ZSCAN18: variants seen among roughly 807,000 people sequenced by gnomAD.
The protein encoded by ZSCAN18 is zinc finger and SCAN domain containing 18, also known as zinc finger and SCAN domain-containing protein 18.
A neutral mutation model predicts 31.1 loss-of-function variants in ZSCAN18; 16 were observed. The observed-to-expected ratio is 0.51, with a 90% CI of 0.35 to 0.78. ZSCAN18 has a LOEUF of 0.78. ZSCAN18 is among the 30% of genes least tolerant of loss of function. ZSCAN18 has a pLI of 0.01. For synonymous variants in ZSCAN18, 375 were observed against 320.7 expected (o/e 1.17, Z -1.81); for missense variants, 731 against 697.4 (o/e 1.05, Z -0.54).
rs756081931 is a variant in ZSCAN18, at chr19:58,085,354, A to G, written c.864T>C (p.Ala288=). The G allele has an allele frequency of 6.3e-7, 1 of 1,591,924 alleles. No individual in the cohort carries two copies. Among genetic ancestry groups the G allele is most frequent in the Admixed American group, 1.7e-5 (1 of 59,564 alleles). ...LPEGGRRQES[A]GCACEEAAPA... Reference sequence around the variant, plus strand: ...GGGCGGCCTCCTCGCAGGCGCACCCAGCGCTCTCCTGCCGCCTCCCGCCTT... The same window carrying G: ...GGGCGGCCTCCTCGCAGGCGCACCCGGCGCTCTCCTGCCGCCTCCCGCCTT... The change falls in exon 7 of 7, where the codon GCT becomes GCC. Residue 288 remains alanine, a synonymous_variant. Transcript: ENST00000601144.
chr19:58,116,841 G>A (rs750639994), intron 1 of ZSCAN18, among the ~76,000 whole-genome samples: 38 of 152,154 alleles, frequency 2.5e-4, no homozygotes, highest in Non-Finnish European at 4.6e-4. Flanking sequence ...GGAGATGCCC[G>A]TACCAGAGAG....
rs867073358 is a variant in ZSCAN18 at position 58,084,855 on chromosome 19, C to T, written c.1363G>A (p.Ala455Thr). 6 of 1,600,220 alleles carry T rather than the reference C, an allele frequency of 3.7e-6. No individual in the cohort carries two copies. The highest frequency in any genetic ancestry group is 4.3e-6 in the Non-Finnish European group (5 of 1,175,188). ...TGGGTCTTCTGGTGCTCGGCTAGGG[C>T]CAGGCTGAAGTGGAAGGTCTTCCAG... is the stretch of plus-strand genomic sequence containing the variant. ...GCWKTFHFSL[A>T]LAEHQKTHEK... is the part of the protein sequence containing the mutation. The change falls in exon 7 of 7, where the codon GCC becomes ACC. Residue 455 changes from alanine to threonine, a missense_variant. Coordinates refer to ENST00000601144, the MANE Select transcript of ZSCAN18 (RefSeq NM_001145543.2). This position sits in a 1 kb window ranked among gnomAD's most constrained non-coding sequence, Gnocchi z 4.5.
At chr19:58,117,210 ATTG>A (rs2074737343) in intron 1 of ZSCAN18, among the ~76,000 whole-genome samples, 1 of 152,154 alleles carries the variant, frequency 6.6e-6, no homozygotes, top group South Asian at 2.1e-4. Flanking sequence ...GACAAAGAGG[ATTG>A]TGGGTGGAGG....
upstream of ZSCAN18, among the ~76,000 whole-genome samples, chr19:58,102,898 G>A (rs1439393115): frequency 1.3e-5 from 2 of 152,138 alleles, no homozygotes; most frequent in African/African-American, 2.4e-5. Flanking sequence ...TTGGGAGGCC[G>A]AGGTGGGTGG....
At chr19:58,100,177 AC>A (rs914760404), upstream of ZSCAN18, among the ~76,000 whole-genome samples, 1 of 151,138 alleles carries the variant, frequency 6.6e-6, no homozygotes, top group African/African-American at 2.4e-5. Flanking sequence ...CTGGTCTCAG[AC>A]CCCCGGGCTC....
chr19:58,109,648 T>C (rs1969834706), intron 1 of ZSCAN18, among the ~76,000 whole-genome samples: 2 of 152,166 alleles, frequency 1.3e-5, no homozygotes, highest in South Asian at 2.1e-4. Flanking sequence ...TCAGGCATAT[T>C]ATTTGAAAGA....
chr19:58,115,656 T>C (rs1207212486), intron 1 of ZSCAN18, among the ~76,000 whole-genome samples: 1 of 152,218 alleles, frequency 6.6e-6, no homozygotes, highest in African/African-American at 2.4e-5. Flanking sequence ...TCAGAAGAAC[T>C]AGGTTGAAAT....
chr19:58,085,642 C>T (rs2074263527), intron 6 of ZSCAN18: 3 of 504,116 alleles, frequency 6.0e-6, no homozygotes, highest in Non-Finnish European at 1.0e-5. Context: ...CCACTGAGCC[C>T]GGGTTCTGGA....
At chr19:58,114,804 C>T (rs8107648) in intron 1 of ZSCAN18, among the ~76,000 whole-genome samples, 1,737 of 152,172 alleles carry the variant, frequency 0.011, 42 homozygotes, top group African/African-American at 0.039. Context: ...TAGAGTATTT[C>T]AGAAACTTGT....
At chr19:58,109,571 A>G (rs993154377) in intron 1 of ZSCAN18, among the ~76,000 whole-genome samples, 2 of 152,252 alleles carry the variant, frequency 1.3e-5, no homozygotes, top group Non-Finnish European at 2.9e-5. Flanking sequence ...GTTTACTTAC[A>G]TGATGAAATA....
intron 1 of ZSCAN18, among the ~76,000 whole-genome samples, chr19:58,109,633 A>G (rs1420272432): frequency 2.0e-5 from 3 of 152,230 alleles, no homozygotes; most frequent in African/African-American, 2.4e-5. Flanking sequence ...ATATGGGTAC[A>G]TTTCTCAGGC....
At chr19:58,109,415 G>C in intron 1 of ZSCAN18, 3 of 1,152,566 alleles carry the variant, frequency 2.6e-6, no homozygotes, top group Non-Finnish European at 3.3e-6. Context: ...TATATCTGAT[G>C]CTGTGCCCAT....
At chr19:58,116,686 G>C (rs2074732815) in intron 1 of ZSCAN18, among the ~76,000 whole-genome samples, 1 of 152,122 alleles carries the variant, frequency 6.6e-6, no homozygotes, top group South Asian at 2.1e-4. Flanking sequence ...CTGCAACCCA[G>C]CAGCAAACAG....
At chr19:58,101,125 CTTT>C (rs71188077), upstream of ZSCAN18, among the ~76,000 whole-genome samples, 7 of 127,338 alleles carry the variant, frequency 5.5e-5, no homozygotes, top group African/African-American at 2.1e-4. Context: ...ATTCCTCCCA[CTTT>C]TTTTTTTTTT....
At position 58,108,996 on chromosome 19, in the gene ZSCAN18, T is replaced by A. The variant is rs546457727; in HGVS notation, c.130+9271A>T. On this transcript the variant is annotated intron_variant, in intron 1 of 1. Coordinates refer to the ZSCAN18 transcript ENST00000595721. Reference sequence around the variant, plus strand: ...TAAAATGTTTAACCTTTGAGTCATGTTCACAGAAACCTGTTGTTTGAGGAC... The same window carrying A: ...TAAAATGTTTAACCTTTGAGTCATGATCACAGAAACCTGTTGTTTGAGGAC... The A allele has an allele frequency of 5.0e-6, 6 of 1,197,774 alleles. No homozygotes were observed. In the South Asian group the frequency reaches 1.3e-4, roughly 26 times the overall value. 74.2% of individuals were successfully genotyped at this position (1,197,774 alleles called of 1,614,324 possible). A position where few individuals can be genotyped will look rare whatever the true frequency, so the allele number is the denominator to read the frequency against.
At chr19:58,106,421 G>GTTTTTTTTGTTTTTTTTTT (rs368006741) in intron 1 of ZSCAN18, among the ~76,000 whole-genome samples, 5 of 60,130 alleles carry the variant, frequency 8.3e-5, no homozygotes, top group South Asian at 4.9e-4. Context: ...AAAGACATCT[G>GTTTTTTTTGTTTTTTTTTT]GCTGGGCGCG....
upstream of ZSCAN18, among the ~76,000 whole-genome samples, chr19:58,101,395 C>T (rs182352272): frequency 6.4e-3 from 972 of 151,260 alleles, 2 homozygotes; most frequent in Non-Finnish European, 0.011. Context: ...ATGATCCACC[C>T]GCCTTGGCCT....
intron 2 of ZSCAN18, among the ~76,000 whole-genome samples, chr19:58,089,290 G>A (rs1403235060): frequency 1.1e-5 from 1 of 94,474 alleles, no homozygotes; most frequent in Non-Finnish European, 1.9e-5. Context: ...GCGACAGAGC[G>A]AGACTCCGTC....
intron 3 of ZSCAN18, 149 bp downstream of exon 3, chr19:58,088,539 G>C: frequency 1.4e-6 from 1 of 716,210 alleles, no homozygotes; most frequent in Non-Finnish European, 2.3e-6. Flanking sequence ...CTAACATTCA[G>C]AGAAACTACA....
Sources: allele counts gnomAD v4.1 joint callset (sites outside exome capture counted in the v4.1 genomes callset), GRCh38; gene constraint gnomAD v4.1.1; non-coding constraint Gnocchi (gnomAD v3.1); transcripts MANE v1.5; gene names NCBI Gene and HGNC (gene_info 2026-07-23, HGNC 2026-07-21).